FIG4: variants seen among roughly 807,000 people sequenced by gnomAD.
The protein encoded by FIG4 is FIG4 phosphoinositide 5-phosphatase.
In FIG4, 112 loss-of-function variants were observed where a neutral mutation model predicts 118.6. The ratio of observed to expected loss-of-function variants is 0.94; its 90% CI spans 0.81 to 1.11. The LOEUF (loss-of-function observed/expected upper bound fraction) is 1.11. Among genes scored for constraint, FIG4 ranks in the 50% least tolerant of loss-of-function variants. The pLI is 0.00. For synonymous variants in FIG4, 369 were observed against 381.2 expected (o/e 0.97, Z 0.37); for missense variants, 969 against 1,111.7 (o/e 0.87, Z 1.83).
At chr6:109,750,337 C>T (rs1161018165) in intron 10 of FIG4, among the ~76,000 whole-genome samples, 1 of 152,108 alleles carries the variant, frequency 6.6e-6, no homozygotes, top group East Asian at 1.9e-4. Flanking sequence ...ATCTTGGAAC[C>T]CTTTGAAATG....
chr6:109,744,380 G>T (rs1213207648), intron 10 of FIG4, among the ~76,000 whole-genome samples: 1 of 152,094 alleles, frequency 6.6e-6, no homozygotes, highest in Non-Finnish European at 1.5e-5. Context: ...CTGAGGATAG[G>T]AGGCAGGGAA....
chr6:109,771,044 A>G (rs1027456853), intron 15 of FIG4, among the ~76,000 whole-genome samples: 1 of 152,226 alleles, frequency 6.6e-6, no homozygotes, highest in African/African-American at 2.4e-5. Flanking sequence ...TTTATCAAGA[A>G]TAGTGAGATA....
chr6:109,768,432 A>G (rs1777347614), intron 15 of FIG4, among the ~76,000 whole-genome samples: 1 of 152,214 alleles, frequency 6.6e-6, no homozygotes, highest in Non-Finnish European at 1.5e-5. Context: ...GTCCAACTGT[A>G]TTAGTTTTCT....
At position 109,760,129 on chromosome 6, in the gene FIG4, A is replaced by T. The variant is rs575964918; in HGVS notation, c.1138-121A>T. 4.0e-6 allele frequency: 3 copies of T among 750,002 alleles called. No individual in the cohort carries two copies. In the East Asian group the frequency reaches 8.0e-5, roughly 20 times the overall value. The allele number at this position is 750,002 out of a possible 1,614,324, so 46.5% of individuals were successfully genotyped here. A position where few individuals can be genotyped will look rare whatever the true frequency, so the allele number is the denominator to read the frequency against. ...TTTCTGATTATTGTAGCTAGGTTTCATTTTAGTATATTTAAGACTTGGATT... is the reference window on the plus strand; with the variant it reads ...TTTCTGATTATTGTAGCTAGGTTTCTTTTTAGTATATTTAAGACTTGGATT... On this transcript the variant is annotated intron_variant, in intron 10 of 22. Transcript: ENST00000230124.
At chr6:109,824,694 A>G (rs1014356244) in intron 22 of FIG4, among the ~76,000 whole-genome samples, 1 of 152,174 alleles carries the variant, frequency 6.6e-6, no homozygotes, top group African/African-American at 2.4e-5. Context: ...ACTGATTTCT[A>G]CTATATCTTC....
At chr6:109,793,911 C>T (rs561384632) in intron 21 of FIG4, among the ~76,000 whole-genome samples, 1 of 152,334 alleles carries the variant, frequency 6.6e-6, no homozygotes, top group East Asian at 1.9e-4. Flanking sequence ...CACTCTGACA[C>T]ACAAACACAC....
At chr6:109,756,481 C>T (rs1440614397) in intron 10 of FIG4, among the ~76,000 whole-genome samples, 1 of 152,008 alleles carries the variant, frequency 6.6e-6, no homozygotes, top group African/African-American at 2.4e-5. Flanking sequence ...TGAATGTTGG[C>T]CTGCCTTGCT....
At chr6:109,739,668 C>T (rs1239954621) in intron 7 of FIG4, among the ~76,000 whole-genome samples, 2 of 152,142 alleles carry the variant, frequency 1.3e-5, no homozygotes, top group Non-Finnish European at 1.5e-5. Flanking sequence ...TTGTCCAGCG[C>T]ACTGTGAGGC....
chr6:109,717,008 C>CTTTTTTTTT (rs58004392), intron 3 of FIG4, among the ~76,000 whole-genome samples: 1 of 138,254 alleles, frequency 7.2e-6, no homozygotes, highest in Non-Finnish European at 1.6e-5. Context: ...TGGATGACTG[C>CTTTTTTTTT]TTTTTTTTTT....
chr6:109,760,452 A>G, intron 11 of FIG4, 69 bp downstream of exon 11: 1 of 1,374,102 alleles, frequency 7.3e-7, no homozygotes, highest in Non-Finnish European at 1.0e-6. Flanking sequence ...CAGGAAGCTG[A>G]CCTCTGTGGT....
Position 109,715,106 on chromosome 6 carries a change from C to T in FIG4, c.95C>T (p.Ala32Val). The change falls in exon 2 of 23, where the codon GCA (alanine) becomes GTA (valine). Residue 32 changes from alanine to valine, a missense_variant. Around this residue, in one of 3 missense-constraint regions of FIG4, gnomAD observed 393 missense variants for 409.4 expected, o/e 0.96. Transcript: ENST00000230124. ...ARYFLVGSNN[A>V]ETKYRVLKID... ...TACTTTCTAGTTGGGAGCAATAATG[C>T]AGAAACGAAATATCGTGTCTTGAAG... is the stretch of plus-strand genomic sequence containing the variant. 6.2e-7 allele frequency: 1 copy of T among 1,600,182 alleles called. No homozygotes were observed. The highest frequency in any genetic ancestry group is 8.6e-7 in the Non-Finnish European group (1 of 1,168,012).
intron 7 of FIG4, among the ~76,000 whole-genome samples, chr6:109,740,475 C>T (rs1251506901): frequency 6.6e-6 from 1 of 152,100 alleles, no homozygotes; most frequent in Non-Finnish European, 1.5e-5. Flanking sequence ...TCCTGACCAC[C>T]TTTGGTTACT....
chr6:109,811,847 T>C (rs917070509), intron 22 of FIG4, among the ~76,000 whole-genome samples: 4 of 152,168 alleles, frequency 2.6e-5, no homozygotes, highest in Non-Finnish European at 4.4e-5. Context: ...GCAGTCTACA[T>C]GAGATGACTG....
At chr6:109,748,496 A>T (rs936843402) in intron 10 of FIG4, among the ~76,000 whole-genome samples, 17 of 152,234 alleles carry the variant, frequency 1.1e-4, no homozygotes, top group South Asian at 2.1e-4. Context: ...GAGGTCACGA[A>T]TAAGAAATGT....
intron 1 of FIG4, among the ~76,000 whole-genome samples, chr6:109,712,927 A>C (rs1775309836): frequency 6.6e-6 from 1 of 151,768 alleles, no homozygotes; most frequent in Non-Finnish European, 1.5e-5. Context: ...ATCCTATTTG[A>C]TGACCTTAAG....
At chr6:109,782,633 T>C (rs79114138) in intron 16 of FIG4, among the ~76,000 whole-genome samples, 2,420 of 151,946 alleles carry the variant, frequency 0.016, 58 homozygotes, top group East Asian at 0.11. Context: ...ATAACTTCTC[T>C]ACTTTACTCG....
At chr6:109,798,386 T>C (rs1018244134) in intron 22 of FIG4, among the ~76,000 whole-genome samples, 4 of 152,156 alleles carry the variant, frequency 2.6e-5, no homozygotes, top group Non-Finnish European at 5.9e-5. Flanking sequence ...CACATAGGTA[T>C]TGAATATGTC....
At chr6:109,722,477 A>C (rs1775640252) in intron 3 of FIG4, among the ~76,000 whole-genome samples, 1 of 152,116 alleles carries the variant, frequency 6.6e-6, no homozygotes, top group African/African-American at 2.4e-5. Flanking sequence ...CAGACAGAGC[A>C]CCAGGATCCT....
At chr6:109,725,220 C>T (rs1384318790) in intron 3 of FIG4, among the ~76,000 whole-genome samples, 3 of 152,090 alleles carry the variant, frequency 2.0e-5, no homozygotes, top group Non-Finnish European at 4.4e-5. Flanking sequence ...GCCCCACATG[C>T]GTTAGGTATT....
Sources: allele counts gnomAD v4.1 joint callset (sites outside exome capture counted in the v4.1 genomes callset), GRCh38; gene constraint gnomAD v4.1.1; regional missense constraint gnomAD v4.1.1; transcripts MANE v1.5; gene names NCBI Gene and HGNC (gene_info 2026-07-23, HGNC 2026-07-21).